MYO1E: variants seen among roughly 807,000 people sequenced by gnomAD.
MYO1E encodes myosin IE, also known as unconventional myosin-Ie.
A neutral mutation model predicts 151.1 loss-of-function variants in MYO1E; 68 were observed. That is an observed-to-expected ratio of 0.45 (90% CI 0.37 to 0.55). MYO1E has a LOEUF of 0.55. Among genes scored for constraint, MYO1E ranks in the 20% least tolerant of loss-of-function variants. MYO1E has a pLI of 0.00. For synonymous variants in MYO1E, 601 were observed against 501.7 expected (o/e 1.20, Z -2.64); for missense variants, 1,363 against 1,389.3 (o/e 0.98, Z 0.30).
In MYO1E at chr15:59,193,570, C is replaced by T. The variant is rs148581120; in HGVS notation, c.1805+1891G>A. Among the ~76,000 whole-genome samples the T allele has an allele frequency of 1.2e-3, 179 of 152,210 alleles. 3 individuals carry two copies. In the Middle Eastern group the frequency reaches 0.014, roughly 12 times the overall value. ...TTTCATGTCCTAGAGAAACTGTTGA[C>T]GGAACTGAGAGGGATTAACCTGTAG... On this transcript the variant is annotated intron_variant, in intron 17 of 27. Coordinates refer to ENST00000288235, the MANE Select transcript of MYO1E (RefSeq NM_004998.4).
At chr15:59,229,771 AC>A (rs1451283315) in intron 6 of MYO1E, among the ~76,000 whole-genome samples, 1 of 152,148 alleles carries the variant, frequency 6.6e-6, no homozygotes, top group African/African-American at 2.4e-5. Context: ...TCATAATTCT[AC>A]CCTGATGCCA....
chr15:59,160,329 GGTA>G (rs2079530329), intron 24 of MYO1E, among the ~76,000 whole-genome samples: 2 of 143,394 alleles, frequency 1.4e-5, no homozygotes, highest in Non-Finnish European at 3.0e-5. Context: ...TGGGGTTTGA[GGTA>G]GTGCGTGTGT....
At chr15:59,153,905 C>T in intron 25 of MYO1E, 114 bp from the exon 26 acceptor site, 2 of 969,136 alleles carry the variant, frequency 2.1e-6, no homozygotes, top group East Asian at 5.0e-5. Context: ...TTCTGAGTCT[C>T]AATTTCCGCA....
At chr15:59,220,955 C>G (rs1444012016) in intron 9 of MYO1E, among the ~76,000 whole-genome samples, 1 of 139,074 alleles carries the variant, frequency 7.2e-6, no homozygotes, top group East Asian at 2.0e-4. Flanking sequence ...AAAGATAAAG[C>G]TCCTTAGGAA....
In MYO1E at chr15:59,153,665, G is replaced by A; in HGVS notation, c.3005C>T (p.Ser1002Phe). The A allele has an allele frequency of 1.2e-6, 2 of 1,614,204 alleles. No homozygotes were observed. The highest frequency in any genetic ancestry group is 1.7e-6 in the Non-Finnish European group (2 of 1,180,046). Residue 1002 changes from serine (S) to phenylalanine (F), a missense_variant, in exon 26 of 28, where the codon TCT becomes TTT. Transcript: ENST00000288235. ...CTGTGACACTCGGTCTGAACTGGTAGACTGCTGCCGAGGCAAGGGCGGGCG... is the reference window on the plus strand; with the variant it reads ...CTGTGACACTCGGTCTGAACTGGTAAACTGCTGCCGAGGCAAGGGCGGGCG... ...MARPPLPRQQ[S>F]TSSDRVSQTP...
chr15:59,340,976 G>A (rs1465865113), intron 1 of MYO1E, among the ~76,000 whole-genome samples: 43 of 133,084 alleles, frequency 3.2e-4, no homozygotes, highest in African/African-American at 1.1e-3. Context: ...CTGAGATCCC[G>A]CCACAGCACT....
intron 1 of MYO1E, among the ~76,000 whole-genome samples, chr15:59,291,755 A>G (rs1386646566): frequency 6.7e-6 from 1 of 148,896 alleles, no homozygotes; most frequent in Non-Finnish European, 1.5e-5. Context: ...AAAGAGAAAT[A>G]GCTTGAGATG....
At chr15:59,196,970 T>G (rs539143624) in intron 16 of MYO1E, among the ~76,000 whole-genome samples, 4 of 150,696 alleles carry the variant, frequency 2.7e-5, no homozygotes, top group African/African-American at 9.7e-5. Flanking sequence ...GATTTTAGTT[T>G]TGTATTTAAT....
At chr15:59,168,874 G>T (rs1215632170) in intron 22 of MYO1E, among the ~76,000 whole-genome samples, 1 of 152,044 alleles carries the variant, frequency 6.6e-6, no homozygotes, top group Non-Finnish European at 1.5e-5. Context: ...CTCCTGCCTT[G>T]GTCTCCCAAA....
chr15:59,331,966 C>G (rs142537984), intron 1 of MYO1E, among the ~76,000 whole-genome samples: 7 of 152,132 alleles, frequency 4.6e-5, no homozygotes, highest in Non-Finnish European at 8.8e-5. Context: ...GTAAGGGTAA[C>G]GTGAGGCTAC....
intron 6 of MYO1E, among the ~76,000 whole-genome samples, 186 bp downstream of exon 6, chr15:59,231,516 C>T (rs1174673866): frequency 2.0e-5 from 3 of 152,048 alleles, no homozygotes; most frequent in East Asian, 1.9e-4. Context: ...TTTGTATCCC[C>T]GGGGCGCAAA....
At chr15:59,198,042 A>AG (rs2079778637) in intron 16 of MYO1E, among the ~76,000 whole-genome samples, 1 of 152,050 alleles carries the variant, frequency 6.6e-6, no homozygotes, top group Non-Finnish European at 1.5e-5. Context: ...TTGAAAAAAA[A>AG]TTTTTGTAGA....
intron 13 of MYO1E, among the ~76,000 whole-genome samples, chr15:59,209,815 CTTTTTTTTTTT>C (rs71119441): frequency 4.6e-4 from 23 of 49,866 alleles, no homozygotes; most frequent in Admixed American, 1.1e-3. Flanking sequence ...TTTGAATCAC[CTTTTTTTTTTT>C]TTTTTTTTTT....
At chr15:59,247,434 T>C (rs1405858927) in intron 4 of MYO1E, among the ~76,000 whole-genome samples, 3 of 152,222 alleles carry the variant, frequency 2.0e-5, no homozygotes, top group Non-Finnish European at 4.4e-5. Context: ...TAAATTCAAA[T>C]AGAGGCTCTG....
At chr15:59,283,273 G>A (rs1324709708) in intron 1 of MYO1E, among the ~76,000 whole-genome samples, 5 of 152,048 alleles carry the variant, frequency 3.3e-5, no homozygotes, top group African/African-American at 9.7e-5. Flanking sequence ...ATACCATGCT[G>A]TGCTTTGTTT....
chr15:59,275,914 T>C lies in MYO1E; in HGVS notation c.4-3465A>G, dbSNP rs76027652. Among the ~76,000 whole-genome samples the C allele has an allele frequency of 5.9e-3, 899 of 152,290 alleles. 8 individuals are homozygous for C. Among genetic ancestry groups the C allele is most frequent in the Middle Eastern group, 0.017 (5 of 294 alleles). ...GGGACAACAGAATTTGCTACTAGTG[T>C]GACTTGTCCAGAGGCACACAGCCTC... On this transcript the variant is annotated intron_variant, in intron 1 of 27. Transcript: ENST00000288235.
chr15:59,296,340 G>A (rs1354957325), intron 1 of MYO1E, among the ~76,000 whole-genome samples: 1 of 152,208 alleles, frequency 6.6e-6, no homozygotes, highest in Non-Finnish European at 1.5e-5. Context: ...CTTCACTGGG[G>A]TACATTCTTT....
chr15:59,137,307 GA>G lies in MYO1E; in HGVS notation c.*72del. 2.3e-6 allele frequency: 3 copies of G among 1,318,622 alleles called. No homozygotes were observed. Among genetic ancestry groups the G allele is most frequent in the Non-Finnish European group, 3.3e-6 (3 of 911,852 alleles). 81.7% of individuals were successfully genotyped at this position (1,318,622 alleles called of 1,614,324 possible). A position where few individuals can be genotyped will look rare whatever the true frequency, so the allele number is the denominator to read the frequency against. On this transcript the variant is annotated 3_prime_UTR_variant, in exon 28 of 28. Transcript: ENST00000288235. ...AATTGCTCATTGTGGATTGTAAGGG[GA>G]GCCCCTAAATATCCCCTCCCCTGGT...
At chr15:59,235,035 G>C (rs1162057803) in intron 5 of MYO1E, among the ~76,000 whole-genome samples, 1 of 152,016 alleles carries the variant, frequency 6.6e-6, no homozygotes, top group Non-Finnish European at 1.5e-5. Context: ...CTCATCCATG[G>C]CTCTGGGGAG....
Sources: allele counts gnomAD v4.1 joint callset (sites outside exome capture counted in the v4.1 genomes callset), GRCh38; gene constraint gnomAD v4.1.1; transcripts MANE v1.5; gene names NCBI Gene and HGNC (gene_info 2026-07-23, HGNC 2026-07-21).